The following MGA variants were observed in gnomAD, a reference collection of about 807,000 sequenced individuals.
The protein encoded by MGA is MAX dimerization protein MGA, also known as MAX gene-associated protein.
MGA carries 40 observed loss-of-function variants against 261.1 expected under a neutral mutation model. The ratio of observed to expected loss-of-function variants is 0.15; its 90% confidence interval spans 0.12 to 0.20. The LOEUF is 0.20. MGA is among the 10% of genes least tolerant of loss of function. MGA has a pLI of 1.00. For synonymous variants in MGA, 1,302 were observed against 1,290.6 expected (o/e 1.01, Z -0.19); for missense variants, 3,397 against 3,630.5 (o/e 0.94, Z 1.65).
rs1418511612 is a variant in MGA, at chr15:41,710,892, C to G, written c.2627C>G (p.Ser876Cys). 1 of 1,613,884 alleles carries G rather than the reference C, an allele frequency of 6.2e-7. No homozygotes were observed. Among genetic ancestry groups the G allele is most frequent in the Non-Finnish European group, 8.5e-7 (1 of 1,179,768 alleles). Residue 876 changes from serine (S) to cysteine (C), a missense_variant, in exon 8 of 24, where the codon TCT (serine) becomes TGT (cysteine). Physicochemically the swap from Ser to Cys is moderately radical, Grantham distance 112. Coordinates refer to ENST00000219905, the MANE Select transcript of MGA (RefSeq NM_001164273.2). ...CTTGATAGTGTACTAAAGAAGCAAT[C>G]TACTATTTCCCCTTCTACCTCTTAT...
At chr15:41,629,121 A>G (rs2056532323) in intron 1 of MGA, among the ~76,000 whole-genome samples, 2 of 151,824 alleles carry the variant, frequency 1.3e-5, no homozygotes, top group Non-Finnish European at 2.9e-5. Context: ...AAAAAAAAAA[A>G]AAAAAGAAGC....
In MGA at chr15:41,699,177, T is replaced by C; in HGVS notation, c.2188+18T>C. On this transcript the variant is annotated intron_variant, in intron 5 of 23. Coordinates refer to ENST00000219905, the MANE Select transcript of MGA (RefSeq NM_001164273.2). ...TCAAGAAGGTAATAGACTAGCGACT[T>C]CTTTTTTTTTGTTTTCTTTTTTTCT... 1 of 1,481,924 alleles carries C rather than the reference T, an allele frequency of 6.7e-7. No homozygotes were observed. Among genetic ancestry groups the C allele is most frequent in the Non-Finnish European group, 9.1e-7 (1 of 1,103,328 alleles). 91.8% of individuals were successfully genotyped at this position (1,481,924 alleles called of 1,614,324 possible).
chr15:41,754,059 T>C (rs1392197490), intron 17 of MGA, among the ~76,000 whole-genome samples: 1 of 152,092 alleles, frequency 6.6e-6, no homozygotes, highest in Admixed American at 6.6e-5. Flanking sequence ...GCTGTAATTA[T>C]AGGCGAGCAC....
chr15:41,661,851 C>G (rs988459636), intron 1 of MGA, among the ~76,000 whole-genome samples: 1 of 152,092 alleles, frequency 6.6e-6, no homozygotes, highest in East Asian at 1.9e-4. Flanking sequence ...GTGGCTGGTT[C>G]TGTAGTCTCC....
chr15:41,633,496 G>A (rs1358738438), intron 1 of MGA, among the ~76,000 whole-genome samples: 1 of 151,900 alleles, frequency 6.6e-6, no homozygotes, highest in African/African-American at 2.4e-5. Context: ...TGGGACCAAT[G>A]TAACTGTGAT....
chr15:41,728,263 G>A (rs1236660504), intron 10 of MGA, among the ~76,000 whole-genome samples: 1 of 152,124 alleles, frequency 6.6e-6, no homozygotes, highest in African/African-American at 2.4e-5. Flanking sequence ...CCTGGGAGGC[G>A]GAGGTTGTGG....
chr15:41,765,981 T>G, intron 23 of MGA, 23 bp from the exon 24 acceptor site: 1 of 1,590,876 alleles, frequency 6.3e-7, no homozygotes, highest in Non-Finnish European at 8.6e-7. Flanking sequence ...TGAATTTTTC[T>G]TTTTTTAATT....
chr15:41,628,414 TAGAG>T (rs906984247), intron 1 of MGA, among the ~76,000 whole-genome samples: 41 of 127,982 alleles, frequency 3.2e-4, no homozygotes, highest in Middle Eastern at 4.5e-3. Context: ...ATACAAGAGA[TAGAG>T]AGTGGTGGTG....
chr15:41,742,469 A>T (rs1440436361), intron 14 of MGA, 77 bp from the exon 15 acceptor site: 2 of 1,527,166 alleles, frequency 1.3e-6, no homozygotes, highest in Non-Finnish European at 1.8e-6. Context: ...GTGCACAGTA[A>T]ATGTCGGTAA....
upstream of MGA, among the ~76,000 whole-genome samples, chr15:41,656,969 C>T (rs2057216077): frequency 6.6e-6 from 1 of 152,014 alleles, no homozygotes; most frequent in Non-Finnish European, 1.5e-5. Context: ...GATGGGTTCT[C>T]ACTATGTTGT....
At position 41,698,836 on chromosome 15, in the gene MGA, CTAT is replaced by C. The variant is rs1555417101; in HGVS notation, c.2014-25_2014-23del. 16 of 1,341,744 alleles carry C rather than the reference CTAT, an allele frequency of 1.2e-5. No homozygotes were observed. In the African/African-American group the frequency reaches 1.7e-4, roughly 14 times the overall value. The allele number at this position is 1,341,744 out of a possible 1,614,324, so 83.1% of individuals were successfully genotyped here. A position where few individuals can be genotyped will look rare whatever the true frequency, so the allele number is the denominator to read the frequency against. Reference sequence around the variant, plus strand: ...AAGTTTTCAGAAGCAATATGAACTACTATTTTTTTTTTTTTTTGATGTATAGGA... The same window carrying C: ...AAGTTTTCAGAAGCAATATGAACTACTTTTTTTTTTTTTTGATGTATAGGA... On this transcript the variant is annotated intron_variant, in intron 3 of 23. Coordinates refer to ENST00000219905, the MANE Select transcript of MGA (RefSeq NM_001164273.2).
rs1445644635 is a variant in MGA at position 41,707,769 on chromosome 15, GATCTTAAA to G, written c.2231_2238del (p.Asp744ValfsTer13). On this transcript the variant is annotated frameshift_variant, in exon 6 of 24. Coordinates refer to ENST00000219905, the MANE Select transcript of MGA (RefSeq NM_001164273.2). LOFTEE classifies it high-confidence loss of function. ...TTCAGTGGATCCAACAATGAGCATT[GATCTTAAA>G]TACTTGGGAGTACAGTTACCTTTGG... The G allele has an allele frequency of 6.2e-7, 1 of 1,613,208 alleles. No individual in the cohort carries two copies. Among genetic ancestry groups the G allele is most frequent in the Admixed American group, 1.7e-5 (1 of 59,882 alleles).
At chr15:41,658,321 G>C (rs915478803), upstream of MGA, among the ~76,000 whole-genome samples, 1 of 152,006 alleles carries the variant, frequency 6.6e-6, no homozygotes, top group Non-Finnish European at 1.5e-5. Flanking sequence ...TTAAACCTTC[G>C]GTTATATATG....
At chr15:41,661,233 G>A (rs1466633293) in intron 1 of MGA, among the ~76,000 whole-genome samples, 1 of 151,996 alleles carries the variant, frequency 6.6e-6, no homozygotes, top group Non-Finnish European at 1.5e-5. Flanking sequence ...TTCCTCTGTG[G>A]GGCAGCCTTT....
chr15:41,679,310 C>T (rs2058546952), intron 2 of MGA, among the ~76,000 whole-genome samples: 1 of 152,154 alleles, frequency 6.6e-6, no homozygotes, highest in Non-Finnish European at 1.5e-5. Flanking sequence ...GCTGGGATTA[C>T]AGGGATTATA....
At chr15:41,725,342 A>G (rs2061167177) in intron 9 of MGA, among the ~76,000 whole-genome samples, 1 of 152,144 alleles carries the variant, frequency 6.6e-6, no homozygotes, top group Admixed American at 6.6e-5. Context: ...ATTACCTTTA[A>G]TTAACTCTTA....
chr15:41,738,223 A>AC, intron 13 of MGA, among the ~76,000 whole-genome samples: 1 of 151,510 alleles, frequency 6.6e-6, no homozygotes, highest in South Asian at 2.1e-4. Flanking sequence ...ACATGGTGAA[A>AC]CCCCATCTCT....
chr15:41,640,907 CA>C (rs2056809034), intron 1 of MGA, among the ~76,000 whole-genome samples: 1 of 152,044 alleles, frequency 6.6e-6, no homozygotes, highest in South Asian at 2.1e-4. Flanking sequence ...TTAGTGTATT[CA>C]TAGTAATGCA....
At chr15:41,664,828 T>A (rs994959256) in intron 1 of MGA, among the ~76,000 whole-genome samples, 2 of 152,242 alleles carry the variant, frequency 1.3e-5, no homozygotes, top group East Asian at 3.8e-4. Context: ...TTTGTCAGTC[T>A]CTGATAGGTA....
Sources: allele counts gnomAD v4.1 joint callset (sites outside exome capture counted in the v4.1 genomes callset), GRCh38; gene constraint gnomAD v4.1.1; transcripts MANE v1.5; gene names NCBI Gene and HGNC (gene_info 2026-07-23, HGNC 2026-07-21).